The following SAMD5 variants were observed in gnomAD, a reference collection of about 807,000 sequenced individuals.
SAMD5 encodes sterile alpha motif domain-containing protein 5.
Under a neutral mutation model 11.3 loss-of-function variants are expected in SAMD5, and 13 were observed. The ratio of observed to expected loss-of-function variants is 1.15; its 90% CI spans 0.75 to 1.83. The LOEUF (loss-of-function observed/expected upper bound fraction) is 1.83. Ranked by LOEUF, SAMD5 falls within the 40% of genes most tolerant of loss-of-function variation. The probability of loss-of-function intolerance (pLI) is 0.00; values close to 1 mark genes in which losing one functional copy is unlikely to be tolerated. For synonymous variants in SAMD5, 129 were observed against 111.3 expected, an observed-to-expected ratio of 1.16 and a Z score of -1.00; for missense variants, 255 against 239.1, an observed-to-expected ratio of 1.07 and a Z score of -0.44.
intron 1 of SAMD5, among the ~76,000 whole-genome samples, chr6:147,621,332 A>G (rs1038648351): frequency 3.3e-5 from 5 of 152,188 alleles, no homozygotes; most frequent in Non-Finnish European, 7.4e-5. Context: ...TTGGAAAGAT[A>G]GTCAATGGAG....
chr6:147,566,024 G>T lies in SAMD5; in HGVS notation c.*1568G>T. On this transcript the variant is annotated 3_prime_UTR_variant, in exon 2 of 2. Coordinates refer to ENST00000367474, the MANE Select transcript of SAMD5 (RefSeq NM_001030060.3). ...AGAAACTTACATTCACTTTTTCCTG[G>T]TCCATTTTGGTTCCTAAGAATAGAT... 5 of 985,244 alleles carry T rather than the reference G, an allele frequency of 5.1e-6. No homozygotes were observed. The highest frequency in any genetic ancestry group is 6.0e-6 in the Non-Finnish European group (5 of 829,818). The allele number at this position is 985,244 out of a possible 1,614,324, so 61.0% of individuals were successfully genotyped here. A position where few individuals can be genotyped will look rare whatever the true frequency, so the allele number is the denominator to read the frequency against.
At chr6:147,623,732 C>G (rs1338932869) in intron 1 of SAMD5, among the ~76,000 whole-genome samples, 1 of 152,112 alleles carries the variant, frequency 6.6e-6, no homozygotes, top group Non-Finnish European at 1.5e-5. Flanking sequence ...TTCAAAGAGC[C>G]ATTACATTTA....
chr6:147,583,689 CAA>C (rs1213346415), intron 1 of SAMD5, among the ~76,000 whole-genome samples: 4 of 152,048 alleles, frequency 2.6e-5, no homozygotes, highest in African/African-American at 4.8e-5. Flanking sequence ...AAATACTCAT[CAA>C]CTACTTTATA....
chr6:147,767,644 A>G, the SAMD5 span, among the ~76,000 whole-genome samples: 1 of 152,190 alleles, frequency 6.6e-6, no homozygotes, highest in South Asian at 2.1e-4. Context: ...ACACAGCAAG[A>G]AGGTGACCAT....
At chr6:147,896,639 T>C in the SAMD5 span, among the ~76,000 whole-genome samples, 1 of 149,362 alleles carries the variant, frequency 6.7e-6, no homozygotes, top group South Asian at 2.1e-4. Flanking sequence ...CAATATTATT[T>C]AAACTAAAAT....
intron 1 of SAMD5, among the ~76,000 whole-genome samples, chr6:147,722,368 G>GT (rs1375634005): frequency 2.0e-5 from 3 of 151,960 alleles, no homozygotes; most frequent in Admixed American, 6.6e-5. Flanking sequence ...TGAGAGAACT[G>GT]TTTTTTCCCC....
At chr6:147,785,274 G>T in the SAMD5 span, among the ~76,000 whole-genome samples, 1 of 152,088 alleles carries the variant, frequency 6.6e-6, no homozygotes, top group Admixed American at 6.6e-5. Context: ...ACTTCTTCCA[G>T]AACTGGAATC....
the SAMD5 span, among the ~76,000 whole-genome samples, chr6:147,771,938 A>C: frequency 2.0e-5 from 3 of 152,210 alleles, no homozygotes; most frequent in Non-Finnish European, 2.9e-5. Context: ...GCACCTACTA[A>C]GTGCTCAATA....
chr6:147,633,303 A>G (rs1387482010), intron 1 of SAMD5, among the ~76,000 whole-genome samples: 1 of 152,156 alleles, frequency 6.6e-6, no homozygotes, highest in African/African-American at 2.4e-5. Flanking sequence ...AAGATGAAAA[A>G]TTCCAGCGGG....
intron 1 of SAMD5, among the ~76,000 whole-genome samples, chr6:147,698,099 C>T (rs776629957): frequency 1.1e-4 from 16 of 152,266 alleles, no homozygotes; most frequent in Non-Finnish European, 8.8e-5. Flanking sequence ...CATATGAGAA[C>T]CTTATGCTGC....
the SAMD5 span, among the ~76,000 whole-genome samples, chr6:147,754,349 T>TTTC: frequency 6.8e-4 from 97 of 142,354 alleles, 2 homozygotes; most frequent in Admixed American, 1.3e-3. Flanking sequence ...TTGTATGTCT[T>TTTC]TTTTTTTTTT....
the SAMD5 span, among the ~76,000 whole-genome samples, chr6:147,838,536 C>CA: frequency 3.5e-5 from 5 of 143,918 alleles, no homozygotes; most frequent in African/African-American, 1.0e-4. Context: ...ATCCTGCCCC[C>CA]CCCCCGTAGT....
the SAMD5 span, among the ~76,000 whole-genome samples, chr6:147,926,822 T>G: frequency 6.6e-6 from 1 of 152,212 alleles, no homozygotes; most frequent in Non-Finnish European, 1.5e-5. Context: ...CATTTAAGTC[T>G]TTAATCCATC....
At chr6:147,533,495 A>G (rs1244551187) in intron 1 of SAMD5, among the ~76,000 whole-genome samples, 1 of 151,822 alleles carries the variant, frequency 6.6e-6, no homozygotes, top group Non-Finnish European at 1.5e-5. Flanking sequence ...GAAAGAAAAG[A>G]AACCAAGAAG....
chr6:147,605,996 A>T (rs1340521966), intron 1 of SAMD5, among the ~76,000 whole-genome samples: 2 of 152,120 alleles, frequency 1.3e-5, no homozygotes, highest in African/African-American at 4.8e-5. Context: ...ACGCATGAAT[A>T]ACAGCATTCA....
chr6:147,751,326 G>T, the SAMD5 span, among the ~76,000 whole-genome samples: 13 of 152,128 alleles, frequency 8.5e-5, no homozygotes, highest in African/African-American at 3.1e-4. Context: ...GTTTATTTAT[G>T]TGTAGTGTTT....
chr6:147,631,609 T>C (rs992112090), intron 1 of SAMD5, among the ~76,000 whole-genome samples: 3 of 152,210 alleles, frequency 2.0e-5, no homozygotes, highest in African/African-American at 7.2e-5. Context: ...CGAGGAATTA[T>C]ATCTGACAGA....
intron 1 of SAMD5, among the ~76,000 whole-genome samples, chr6:147,595,140 G>A (rs1319912556): frequency 6.6e-6 from 1 of 152,196 alleles, no homozygotes; most frequent in East Asian, 1.9e-4. Flanking sequence ...CGTCTTGAGA[G>A]TTGCTCTAGC....
downstream of SAMD5, among the ~76,000 whole-genome samples, chr6:147,574,127 CAA>C (rs146944147): frequency 7.7e-6 from 1 of 130,504 alleles, no homozygotes. Context: ...GACTGTGTCT[CAA>C]AAAAAAAAAA....
Sources: gnomAD v4.1 joint callset for allele counts (sites outside exome capture counted in the v4.1 genomes callset) on GRCh38, gnomAD v4.1.1 for gene constraint, MANE v1.5 for transcripts, NCBI Gene and HGNC (gene_info 2026-07-23, HGNC 2026-07-21) for gene names.